FBXO40: variants seen among roughly 807,000 people sequenced by gnomAD.
The protein encoded by FBXO40 is F-box only protein 40.
FBXO40 carries 50 observed loss-of-function variants against 49.9 expected under a neutral mutation model. That is an observed-to-expected ratio of 1.00 (90% confidence interval 0.80 to 1.27). The LOEUF (loss-of-function observed/expected upper bound fraction) is 1.27. Among genes scored for constraint, FBXO40 ranks in the 50% most tolerant of loss-of-function variants. The probability of loss-of-function intolerance (pLI) is 0.00; values close to 1 mark genes in which losing one functional copy is unlikely to be tolerated. For missense variants in FBXO40, 895 were observed against 870.1 expected, an observed-to-expected ratio of 1.03 and a Z score of -0.36; for synonymous variants, 340 against 320.2, an observed-to-expected ratio of 1.06 and a Z score of -0.66.
intron 1 of FBXO40, among the ~76,000 whole-genome samples, chr3:121,612,021 T>C (rs998339897): frequency 6.6e-6 from 1 of 152,196 alleles, no homozygotes; most frequent in African/African-American, 2.4e-5. Flanking sequence ...AAAGTACAGG[T>C]CTTTTTCAAA....
At chr3:121,603,471 C>T (rs944581464) in intron 1 of FBXO40, among the ~76,000 whole-genome samples, 1 of 152,214 alleles carries the variant, frequency 6.6e-6, no homozygotes, top group Non-Finnish European at 1.5e-5. Context: ...CCTTTAACCT[C>T]AGCTTGCTCT....
intron 1 of FBXO40, among the ~76,000 whole-genome samples, chr3:121,613,516 G>T (rs2048978908): frequency 6.6e-6 from 1 of 152,164 alleles, no homozygotes; most frequent in African/African-American, 2.4e-5. Flanking sequence ...GGCTGTCCGT[G>T]ACCAGCCAAT....
At chr3:121,618,493 T>C (rs1293097760) in intron 1 of FBXO40, among the ~76,000 whole-genome samples, 2 of 151,246 alleles carry the variant, frequency 1.3e-5, no homozygotes, top group Admixed American at 6.6e-5. Context: ...TTAAAACAAT[T>C]CTCCTGCCTC....
At chr3:121,599,728 T>A (rs1441860582) in intron 1 of FBXO40, among the ~76,000 whole-genome samples, 1,889 of 38,488 alleles carry the variant, frequency 0.049, 59 homozygotes, top group African/African-American at 0.096. Flanking sequence ...ATATATATTT[T>A]TTTTTTTTTT....
At chr3:121,623,987 C>T (rs1195739081) in intron 3 of FBXO40, among the ~76,000 whole-genome samples, 2 of 96,026 alleles carry the variant, frequency 2.1e-5, no homozygotes, top group Non-Finnish European at 3.9e-5. Flanking sequence ...TGCACCTGGC[C>T]TTTTTTTTTT....
chr3:121,603,233 A>G (rs1387492980), intron 1 of FBXO40, among the ~76,000 whole-genome samples: 1 of 152,230 alleles, frequency 6.6e-6, no homozygotes. Context: ...AGATTCCCAC[A>G]GGCAAGAATT....
At chr3:121,603,036 T>A (rs757405795) in intron 1 of FBXO40, among the ~76,000 whole-genome samples, 1 of 152,254 alleles carries the variant, frequency 6.6e-6, no homozygotes, top group Non-Finnish European at 1.5e-5. Context: ...ATTCTGTGTC[T>A]CGTAAGGGCC....
At chr3:121,613,647 G>C (rs1001415624) in intron 1 of FBXO40, among the ~76,000 whole-genome samples, 6 of 152,112 alleles carry the variant, frequency 3.9e-5, no homozygotes, top group Non-Finnish European at 2.9e-5. Flanking sequence ...CTTAAAGGGC[G>C]TTTCTAATCT....
At chr3:121,621,352 A>G (rs1299660653) in intron 2 of FBXO40, 81 bp from the exon 3 acceptor site, 2 of 1,295,554 alleles carry the variant, frequency 1.5e-6, no homozygotes, top group African/African-American at 3.0e-5. Context: ...AAATATGTCA[A>G]TTAAAACACA....
At chr3:121,619,271 A>G (rs1296608364) in intron 1 of FBXO40, among the ~76,000 whole-genome samples, 1 of 152,054 alleles carries the variant, frequency 6.6e-6, no homozygotes, top group Non-Finnish European at 1.5e-5. Flanking sequence ...AGCCTCACAA[A>G]GTGCTGAGAT....
At position 121,622,358 on chromosome 3, in the gene FBXO40, A is replaced by C. The variant is rs980994977; in HGVS notation, c.929A>C (p.Tyr310Ser). The change falls in exon 3 of 4, where the codon TAT (tyrosine) becomes TCT (serine). Residue 310 changes from tyrosine (Y) to serine (S), a missense_variant. Coordinates refer to ENST00000338040, the MANE Select transcript of FBXO40 (RefSeq NM_016298.4). ...TAVDAKDYNM[Y>S]LVHNGRMLIH... is the part of the protein sequence containing the mutation. The stretch of plus-strand genomic sequence containing the variant: ...GTGGATGCAAAGGACTATAACATGT[A>C]TCTAGTGCACAATGGGCGGATGCTG... 6.2e-7 allele frequency: 1 copy of C among 1,614,238 alleles called. No individual in the cohort carries two copies. Among genetic ancestry groups the C allele is most frequent in the Admixed American group, 1.7e-5 (1 of 60,032 alleles).
rs1233620177 is a variant in FBXO40 at position 121,628,156 on chromosome 3, T to A, written c.*1246T>A. On this transcript the variant is annotated 3_prime_UTR_variant, in exon 4 of 4. Transcript: ENST00000338040. ...TTAGCCTTGGAACTATTGACATTTT[T>A]AAATGGATAATTCTTTTTTTTTTTT... The A allele has an allele frequency of 7.9e-6, 3 of 379,620 alleles. No individual in the cohort carries two copies. The highest frequency in any genetic ancestry group is 1.4e-5 in the Non-Finnish European group (3 of 215,504). The allele number at this position is 379,620 out of a possible 1,614,324, so 23.5% of individuals were successfully genotyped here.
intron 1 of FBXO40, among the ~76,000 whole-genome samples, chr3:121,610,792 C>T (rs2048959957): frequency 6.6e-6 from 1 of 152,180 alleles, no homozygotes; most frequent in South Asian, 2.1e-4. Context: ...AAGCACATGC[C>T]ACCACATACG....
rs1000596775 is a variant in FBXO40 at position 121,620,448 on chromosome 3, A to G, written c.-30-98A>G. ...AGACACCTCCAGGATGGTGGAAGGA[A>G]TTAAATGAGATAGTGTGTGAAGTCT... is the stretch of plus-strand genomic sequence containing the variant. On this transcript the variant is annotated intron_variant, in intron 1 of 3. Coordinates refer to ENST00000338040, the MANE Select transcript of FBXO40 (RefSeq NM_016298.4). 2.7e-6 allele frequency: 3 copies of G among 1,095,110 alleles called. No individual in the cohort carries two copies. In the African/African-American group the frequency reaches 4.7e-5, roughly 17 times the overall value. The allele number at this position is 1,095,110 out of a possible 1,614,324, so 67.8% of individuals were successfully genotyped here. A position where few individuals can be genotyped will look rare whatever the true frequency, so the allele number is the denominator to read the frequency against.
chr3:121,612,346 G>A (rs958636421), intron 1 of FBXO40, among the ~76,000 whole-genome samples: 11 of 152,228 alleles, frequency 7.2e-5, no homozygotes, highest in African/African-American at 2.6e-4. Flanking sequence ...TGTAAGACAG[G>A]GCTTGAAGGG....
intron 1 of FBXO40, among the ~76,000 whole-genome samples, chr3:121,617,739 C>T (rs1254124966): frequency 6.6e-6 from 1 of 152,148 alleles, no homozygotes; most frequent in African/African-American, 2.4e-5. Context: ...GTGGCTCACA[C>T]CTGTAATCTC....
chr3:121,603,294 CTG>C (rs1361767195), intron 1 of FBXO40, among the ~76,000 whole-genome samples: 1 of 152,214 alleles, frequency 6.6e-6, no homozygotes, highest in Non-Finnish European at 1.5e-5. Context: ...GGAAACTACT[CTG>C]TTACAGTCTA....
At chr3:121,606,484 T>A (rs1364550000) in intron 1 of FBXO40, among the ~76,000 whole-genome samples, 2 of 152,322 alleles carry the variant, frequency 1.3e-5, no homozygotes, top group East Asian at 3.9e-4. Context: ...TTCAAGTCTT[T>A]AGTAAGGTTA....
rs983138450 is a variant in FBXO40, at chr3:121,630,185, T to A, written c.*3275T>A. On this transcript the variant is annotated 3_prime_UTR_variant, in exon 4 of 4. Transcript: ENST00000338040. ...AGTCTGATTTATGTGTGATGTCAAA[T>A]CAAACTGAAATGAAGAATGAGATTG... 7 of 152,178 alleles carry A rather than the reference T, an allele frequency of 4.6e-5. No individual in the cohort carries two copies. Among genetic ancestry groups the A allele is most frequent in the Non-Finnish European group, 1.0e-4 (7 of 68,012 alleles). 9.4% of individuals were successfully genotyped at this position (152,178 alleles called of 1,614,324 possible).
Sources: gnomAD v4.1 joint callset for allele counts (sites outside exome capture counted in the v4.1 genomes callset) on GRCh38, gnomAD v4.1.1 for gene constraint, MANE v1.5 for transcripts, NCBI Gene and HGNC (gene_info 2026-07-23, HGNC 2026-07-21) for gene names.